AKAP6: variants seen among roughly 807,000 people sequenced by gnomAD.
The protein encoded by AKAP6 is A-kinase anchoring protein 6.
Under a neutral mutation model 188.5 loss-of-function variants are expected in AKAP6, and 58 were observed. That is an observed-to-expected ratio of 0.31 (90% CI 0.25 to 0.38). The LOEUF (loss-of-function observed/expected upper bound fraction) is 0.38. Among genes scored for constraint, AKAP6 ranks in the 10% least tolerant of loss-of-function variants. The pLI, the probability that AKAP6 is intolerant of heterozygous loss-of-function variation, is 1.00. For synonymous variants in AKAP6, 989 were observed against 998.6 expected (o/e 0.99, Z 0.18); for missense variants, 2,710 against 2,740.0 (o/e 0.99, Z 0.24).
At chr14:32,370,005 TG>T (rs1887957797) in intron 1 of AKAP6, among the ~76,000 whole-genome samples, 1 of 152,210 alleles carries the variant, frequency 6.6e-6, no homozygotes, top group Non-Finnish European at 1.5e-5. Context: ...CACTCCAGCC[TG>T]GGCGAAAAGA....
chr14:32,676,177 A>G (rs1363074342), intron 7 of AKAP6, among the ~76,000 whole-genome samples: 1 of 152,186 alleles, frequency 6.6e-6, no homozygotes, highest in African/African-American at 2.4e-5. Flanking sequence ...GTGGCTTTGC[A>G]GTGGAAGTAA....
intron 7 of AKAP6, among the ~76,000 whole-genome samples, chr14:32,613,300 T>C (rs1290174560): frequency 6.6e-6 from 1 of 152,228 alleles, no homozygotes; most frequent in Non-Finnish European, 1.5e-5. Context: ...CACTGGATGC[T>C]TTCATGTGGC....
At chr14:32,455,580 A>G (rs1032392073) in intron 2 of AKAP6, among the ~76,000 whole-genome samples, 3 of 152,214 alleles carry the variant, frequency 2.0e-5, no homozygotes, top group Non-Finnish European at 4.4e-5. Flanking sequence ...CCAAATTGTC[A>G]TCAAGCATAA....
At chr14:32,662,363 C>T (rs1046429765) in intron 7 of AKAP6, among the ~76,000 whole-genome samples, 3 of 152,074 alleles carry the variant, frequency 2.0e-5, no homozygotes, top group Non-Finnish European at 4.4e-5. Context: ...TCATTTCTCA[C>T]TGTTGTCTTT....
At chr14:32,428,200 A>G (rs1169329128) in intron 1 of AKAP6, among the ~76,000 whole-genome samples, 2 of 152,108 alleles carry the variant, frequency 1.3e-5, no homozygotes, top group Non-Finnish European at 2.9e-5. Flanking sequence ...CTTCTGAACC[A>G]TGACTGGAAG....
intron 12 of AKAP6, among the ~76,000 whole-genome samples, chr14:32,804,656 G>A (rs552351701): frequency 6.8e-4 from 103 of 152,176 alleles, no homozygotes; most frequent in Admixed American, 1.0e-3. Context: ...GCAGAGAACC[G>A]GTCTGACCAC....
intron 8 of AKAP6, among the ~76,000 whole-genome samples, chr14:32,687,586 G>A (rs1889992801): frequency 6.6e-6 from 1 of 151,766 alleles, no homozygotes; most frequent in Non-Finnish European, 1.5e-5. Context: ...AAAATGATGT[G>A]CTATTCTTAT....
chr14:32,386,007 A>G (rs202217122), intron 1 of AKAP6, among the ~76,000 whole-genome samples: 1 of 106,700 alleles, frequency 9.4e-6, no homozygotes, highest in Non-Finnish European at 2.1e-5. Context: ...ATATGTATCT[A>G]TATCTATATC....
intron 13 of AKAP6, among the ~76,000 whole-genome samples, chr14:32,828,554 C>A (rs1485451874): frequency 1.3e-5 from 2 of 151,820 alleles, no homozygotes; most frequent in East Asian, 3.9e-4. Flanking sequence ...CACACACACA[C>A]ACACACACAC....
intron 2 of AKAP6, among the ~76,000 whole-genome samples, chr14:32,510,390 ATGTG>A (rs1555335102): frequency 6.4e-4 from 39 of 61,372 alleles, no homozygotes; most frequent in Non-Finnish European, 1.1e-3. Context: ...GTATATATAT[ATGTG>A]TATATATATG....
At chr14:32,758,216 G>A (rs531150524) in intron 11 of AKAP6, among the ~76,000 whole-genome samples, 9 of 152,110 alleles carry the variant, frequency 5.9e-5, no homozygotes, top group Non-Finnish European at 8.8e-5. Flanking sequence ...TCCTTATTCC[G>A]AAGAGAAGAA....
chr14:32,379,833 T>C (rs1394485003), intron 1 of AKAP6, among the ~76,000 whole-genome samples: 2 of 152,208 alleles, frequency 1.3e-5, no homozygotes, highest in Non-Finnish European at 2.9e-5. Context: ...TGAATTGCCA[T>C]TGACAATGTC....
At chr14:32,463,225 G>C (rs995154121) in intron 2 of AKAP6, among the ~76,000 whole-genome samples, 1 of 152,084 alleles carries the variant, frequency 6.6e-6, no homozygotes, top group Non-Finnish European at 1.5e-5. Flanking sequence ...TTCAGGGCTT[G>C]AACTCAGCTC....
chr14:32,352,872 T>C (rs1235690969), intron 1 of AKAP6, among the ~76,000 whole-genome samples: 2 of 152,236 alleles, frequency 1.3e-5, no homozygotes, highest in Admixed American at 1.3e-4. Flanking sequence ...GGAGTGCAGA[T>C]GTCTCTTTGA....
chr14:32,807,710 G>T (rs573702949), intron 12 of AKAP6, among the ~76,000 whole-genome samples: 7 of 152,292 alleles, frequency 4.6e-5, no homozygotes, highest in African/African-American at 1.7e-4. Flanking sequence ...TGGAAATAAA[G>T]AACTTTTCCT....
Position 32,545,662 on chromosome 14 carries a change from G to T in AKAP6, c.1009G>T (p.Ala337Ser), listed in dbSNP as rs759846365. ...SSSGEALTNA[A>S]QPSSETVQQE... ...TTCAGGAGAAGCTCTGACAAATGCTGCTCAACCCTCCTCTGAGACTGTGCA... is the reference window on the plus strand; with the variant it reads ...TTCAGGAGAAGCTCTGACAAATGCTTCTCAACCCTCCTCTGAGACTGTGCA... The change falls in exon 4 of 14, where the codon GCT (alanine) becomes TCT (serine). Residue 337 changes from alanine (A) to serine (S), a missense_variant. Physicochemically the swap from Ala to Ser is moderately conservative, Grantham distance 99. Transcript: ENST00000280979. The T allele has an allele frequency of 6.2e-7, 1 of 1,614,140 alleles. No homozygotes were observed. Among genetic ancestry groups the T allele is most frequent in the Non-Finnish European group, 8.5e-7 (1 of 1,180,020 alleles).
At chr14:32,724,039 C>A (rs1377784989) in intron 9 of AKAP6, among the ~76,000 whole-genome samples, 1 of 150,216 alleles carries the variant, frequency 6.7e-6, no homozygotes, top group East Asian at 2.0e-4. Flanking sequence ...GGGAAATCAA[C>A]GAACATTACA....
chr14:32,599,253 G>GA (rs1448840301), intron 5 of AKAP6, among the ~76,000 whole-genome samples, 157 bp from the exon 6 acceptor site: 1 of 152,166 alleles, frequency 6.6e-6, no homozygotes, highest in Admixed American at 6.6e-5. Flanking sequence ...TTTGAGCCCA[G>GA]ATCCCAAATA....
chr14:32,706,178 T>C (rs1430958403), intron 9 of AKAP6, among the ~76,000 whole-genome samples: 1 of 152,194 alleles, frequency 6.6e-6, no homozygotes, highest in Non-Finnish European at 1.5e-5. Flanking sequence ...CCATATCATC[T>C]TCTCTACAAC....
Sources: gnomAD v4.1 joint callset for allele counts (sites outside exome capture counted in the v4.1 genomes callset) on GRCh38, gnomAD v4.1.1 for gene constraint, MANE v1.5 for transcripts, NCBI Gene and HGNC (gene_info 2026-07-23, HGNC 2026-07-21) for gene names.